SRGAP1: variants seen among roughly 807,000 people sequenced by gnomAD.
The protein encoded by SRGAP1 is SLIT-ROBO Rho GTPase activating protein 1, also known as SLIT-ROBO Rho GTPase-activating protein 1.
In SRGAP1, 43 loss-of-function variants were observed where a neutral mutation model predicts 121.9. That is an observed-to-expected ratio of 0.35 (90% CI 0.28 to 0.46). SRGAP1 has a LOEUF of 0.46. SRGAP1 is among the 20% of genes least tolerant of loss of function. SRGAP1 has a pLI of 1.00. For missense variants in SRGAP1, 1,102 were observed against 1,350.9 expected (o/e 0.82, Z 2.89); for synonymous variants, 447 against 485.4 (o/e 0.92, Z 1.04).
At chr12:63,985,462 T>G (rs1408537269) in intron 2 of SRGAP1, among the ~76,000 whole-genome samples, 1 of 152,104 alleles carries the variant, frequency 6.6e-6, no homozygotes, top group Non-Finnish European at 1.5e-5. Context: ...ACACTGCAGG[T>G]AGAGAGAAGT....
chr12:64,156,222 T>G lies in SRGAP1; in HGVS notation c.*13550T>G, dbSNP rs1173040275. On this transcript the variant is annotated 3_prime_UTR_variant, in exon 22 of 22. Transcript: ENST00000355086. ...AAATTTTTAAAGACATTTTATTCTT[T>G]TTTGTCTTCATCAGAATTTATTGAA... 1 of 152,228 alleles carries G rather than the reference T, an allele frequency of 6.6e-6. No individual in the cohort carries two copies. Among genetic ancestry groups the G allele is most frequent in the African/African-American group, 2.4e-5 (1 of 41,462 alleles). 9.4% of individuals were successfully genotyped at this position (152,228 alleles called of 1,614,324 possible).
intron 4 of SRGAP1, among the ~76,000 whole-genome samples, chr12:64,034,560 A>G (rs2136492538): frequency 6.6e-6 from 1 of 152,334 alleles, no homozygotes; most frequent in East Asian, 1.9e-4. Context: ...CTGTTATTGA[A>G]ATGAATTATT....
In SRGAP1 at chr12:64,148,837, C is replaced by G. The variant is rs1297002301; in HGVS notation, c.*6165C>G. On this transcript the variant is annotated 3_prime_UTR_variant, in exon 22 of 22. Coordinates refer to ENST00000355086, the MANE Select transcript of SRGAP1 (RefSeq NM_020762.4). The stretch of plus-strand genomic sequence containing the variant: ...ATCCACCACCCAGTTTAAGCAATAG[C>G]ACATTATCAGCATCCCAGAAGCTAC... 6.6e-6 allele frequency: 1 copy of G among 152,194 alleles called. No individual in the cohort carries two copies. Among genetic ancestry groups the G allele is most frequent in the Non-Finnish European group, 1.5e-5 (1 of 68,042 alleles). The allele number at this position is 152,194 out of a possible 1,614,324, so 9.4% of individuals were successfully genotyped here. A position where few individuals can be genotyped will look rare whatever the true frequency, so the allele number is the denominator to read the frequency against.
At chr12:63,977,433 G>A (rs762673648) in intron 1 of SRGAP1, among the ~76,000 whole-genome samples, 14 of 152,246 alleles carry the variant, frequency 9.2e-5, no homozygotes, top group African/African-American at 2.6e-4. Context: ...TCACACCAGC[G>A]TATCAATTTT....
intron 14 of SRGAP1, among the ~76,000 whole-genome samples, chr12:64,095,566 G>A (rs563557177): frequency 7.9e-5 from 12 of 152,224 alleles, no homozygotes; most frequent in African/African-American, 2.9e-4. Flanking sequence ...TCCTCCCTTT[G>A]TCGGGAGCTC....
chr12:64,028,157 A>G (rs1372634755), intron 4 of SRGAP1, among the ~76,000 whole-genome samples: 1 of 152,252 alleles, frequency 6.6e-6, no homozygotes, highest in Non-Finnish European at 1.5e-5. Context: ...CTTTGCCACC[A>G]AAGGCTGTTG....
At chr12:64,004,182 T>G (rs1212200359) in intron 3 of SRGAP1, among the ~76,000 whole-genome samples, 1 of 152,124 alleles carries the variant, frequency 6.6e-6, no homozygotes, top group Admixed American at 6.5e-5. Flanking sequence ...GTTTGGCTTG[T>G]TTTCCCATCT....
At chr12:64,068,625 A>G (rs1301985420) in intron 8 of SRGAP1, among the ~76,000 whole-genome samples, 3 of 150,964 alleles carry the variant, frequency 2.0e-5, no homozygotes, top group Admixed American at 6.6e-5. Context: ...GTGAGCCACC[A>G]CTCCTGGCCT....
chr12:64,039,541 C>T (rs1026504793), intron 4 of SRGAP1, among the ~76,000 whole-genome samples: 5 of 151,790 alleles, frequency 3.3e-5, no homozygotes, highest in Non-Finnish European at 7.4e-5. Context: ...TCGGGGTGGC[C>T]TGAGGTGCCT....
chr12:64,072,120 G>C (rs1430041154), intron 8 of SRGAP1, among the ~76,000 whole-genome samples: 1 of 105,260 alleles, frequency 9.5e-6, no homozygotes, highest in African/African-American at 3.2e-5. Context: ...GTGTGTGTGT[G>C]TGTGTGTGTG....
At chr12:63,971,651 TAATG>T (rs772545345) in intron 1 of SRGAP1, among the ~76,000 whole-genome samples, 65 of 152,238 alleles carry the variant, frequency 4.3e-4, no homozygotes, top group Admixed American at 2.0e-3. Context: ...AGAGATAAAA[TAATG>T]AAGAAGAGAA....
chr12:64,029,933 A>G (rs2034738638), intron 4 of SRGAP1, among the ~76,000 whole-genome samples: 1 of 151,870 alleles, frequency 6.6e-6, no homozygotes, highest in Admixed American at 6.6e-5. Context: ...GAATAAATAA[A>G]TAAATAAACA....
chr12:63,858,942 A>G (rs1374288350), intron 1 of SRGAP1, among the ~76,000 whole-genome samples: 9 of 152,170 alleles, frequency 5.9e-5, no homozygotes, highest in East Asian at 1.9e-4. Flanking sequence ...ACCTCAGGTG[A>G]TCCACCCGCC....
chr12:64,086,999 G>A lies in SRGAP1; in HGVS notation c.1409G>A (p.Gly470Asp). 2 of 1,594,168 alleles carry A rather than the reference G, an allele frequency of 1.3e-6. No individual in the cohort carries two copies. The highest frequency in any genetic ancestry group is 1.1e-5 in the South Asian group (1 of 87,830). ...CTTACTTTAAATTTTTTTCCTGCAG[G>A]TCATAGAGCTGAATATATGACTACA... ...HDLLQRTLGE[G>D]HRAEYMTTRP... The change falls in exon 11 of 22, where the codon GGT (glycine) becomes GAT (aspartate). Residue 470 changes from glycine to aspartate, a missense_variant and splice_region_variant. Gly to Asp is a moderately conservative substitution (Grantham distance 94). This residue lies in a region of SRGAP1 where 747 missense variants were observed against 929.4 expected (regional missense o/e 0.80). Coordinates refer to ENST00000355086, the MANE Select transcript of SRGAP1 (RefSeq NM_020762.4).
rs2136658578 is a variant in SRGAP1 at position 64,145,320 on chromosome 12, T to A, written c.*2648T>A. The A allele has an allele frequency of 6.6e-6, 1 of 152,396 alleles. No homozygotes were observed. The highest frequency in any genetic ancestry group is 6.5e-5 in the Admixed American group (1 of 15,306). 9.4% of individuals were successfully genotyped at this position (152,396 alleles called of 1,614,324 possible). A position where few individuals can be genotyped will look rare whatever the true frequency, so the allele number is the denominator to read the frequency against. ...TCCTACCTGTTCATTTATTCAGCCTTCTATCTGGTCATCCTCCCCAGCGGC... is the reference window on the plus strand; with the variant it reads ...TCCTACCTGTTCATTTATTCAGCCTACTATCTGGTCATCCTCCCCAGCGGC... On this transcript the variant is annotated 3_prime_UTR_variant, in exon 22 of 22. Coordinates refer to ENST00000355086, the MANE Select transcript of SRGAP1 (RefSeq NM_020762.4).
chr12:64,109,277 TA>T (rs906042834), intron 16 of SRGAP1, among the ~76,000 whole-genome samples: 9 of 151,452 alleles, frequency 5.9e-5, no homozygotes, highest in East Asian at 3.9e-4. Context: ...TAAATATTAC[TA>T]AAAAAAAACC....
At chr12:64,092,311 T>C (rs1361683841) in intron 12 of SRGAP1, among the ~76,000 whole-genome samples, 2 of 152,210 alleles carry the variant, frequency 1.3e-5, no homozygotes, top group East Asian at 1.9e-4. Flanking sequence ...TGGGCTGCGG[T>C]GTTTCTGCAA....
chr12:63,957,832 A>G (rs946330850), intron 1 of SRGAP1, among the ~76,000 whole-genome samples: 2 of 152,030 alleles, frequency 1.3e-5, no homozygotes, highest in Admixed American at 1.3e-4. Flanking sequence ...TCCTTTGTGC[A>G]TGATTTAATC....
intron 1 of SRGAP1, among the ~76,000 whole-genome samples, chr12:63,932,812 A>AT (rs2031526492): frequency 6.6e-6 from 1 of 152,170 alleles, no homozygotes; most frequent in South Asian, 2.1e-4. Context: ...TTCCTTTTGC[A>AT]TTTTTTCCTG....
Sources: allele counts gnomAD v4.1 joint callset (sites outside exome capture counted in the v4.1 genomes callset), GRCh38; gene constraint gnomAD v4.1.1; regional missense constraint gnomAD v4.1.1; transcripts MANE v1.5; gene names NCBI Gene and HGNC (gene_info 2026-07-23, HGNC 2026-07-21).